The following ZNF469 variants were observed in gnomAD, a reference collection of about 807,000 sequenced individuals.
ZNF469 encodes the protein zinc finger protein 469.
ZNF469 carries 1 observed loss-of-function variant against 1.0 expected under a neutral mutation model. The observed-to-expected ratio is 1.00, with a 90% CI of 0.35 to 4.73. ZNF469 has a LOEUF of 4.73. ZNF469 is among the 30% of genes most tolerant of loss of function. The pLI is 0.16. For synonymous variants in ZNF469, 2,703 were observed against 2,363.4 expected, an observed-to-expected ratio of 1.14 and a Z score of -4.17; for missense variants, 6,100 against 5,356.3, an observed-to-expected ratio of 1.14 and a Z score of -4.33.
the ZNF469 span, among the ~76,000 whole-genome samples, chr16:88,174,960 G>A: frequency 7.1e-6 from 1 of 140,590 alleles, no homozygotes; most frequent in Non-Finnish European, 1.6e-5. Context: ...GTGTGTGTGT[G>A]TAAATGAAAT....
chr16:88,215,603 T>C, the ZNF469 span, among the ~76,000 whole-genome samples: 1 of 151,990 alleles, frequency 6.6e-6, no homozygotes, highest in South Asian at 2.1e-4. Context: ...CTGGCCAGTC[T>C]GGTCTCGAAC....
upstream of ZNF469, among the ~76,000 whole-genome samples, chr16:88,380,130 CACAG>C (rs554533632): frequency 8.8e-3 from 975 of 110,754 alleles, 11 homozygotes; most frequent in Non-Finnish European, 0.012. Flanking sequence ...CAAACACACA[CACAG>C]ACACACACTC....
the ZNF469 span, among the ~76,000 whole-genome samples, chr16:88,115,263 A>T: frequency 2.6e-5 from 4 of 152,174 alleles, no homozygotes; most frequent in Non-Finnish European, 5.9e-5. Flanking sequence ...GGATTATTTT[A>T]TGCATTGCTG....
chr16:88,185,350 G>A, the ZNF469 span, among the ~76,000 whole-genome samples: 4 of 151,402 alleles, frequency 2.6e-5, no homozygotes, highest in Non-Finnish European at 4.4e-5. Context: ...TACAATGCAT[G>A]CACACACAAA....
At chr16:88,275,202 C>T in the ZNF469 span, among the ~76,000 whole-genome samples, 1 of 152,188 alleles carries the variant, frequency 6.6e-6, no homozygotes, top group African/African-American at 2.4e-5. Flanking sequence ...TTTTATGTCT[C>T]GCTGACAGTC....
At chr16:88,363,428 C>G in the ZNF469 span, among the ~76,000 whole-genome samples, 84 of 152,346 alleles carry the variant, frequency 5.5e-4, no homozygotes, top group South Asian at 2.1e-3. Context: ...ACTCTGTCTC[C>G]TCTGTTGTGG....
rs1355882994 is a variant in ZNF469 at position 88,435,199 on chromosome 16, A to G, written c.7729A>G (p.Ser2577Gly). Residue 2577 changes from serine to glycine, a missense_variant, in exon 3 of 3, where the codon AGC becomes GGC. By Grantham distance (56) the Ser-to-Gly change is moderately conservative. Coordinates refer to ENST00000565624, the MANE Select transcript of ZNF469 (RefSeq NM_001367624.2). The part of the protein sequence containing the change: ...SPHSQQLHPP[S>G]PTEHEVDVKT... The stretch of plus-strand genomic sequence containing the variant: ...ACACAGCCAGCAGCTGCACCCTCCA[A>G]GCCCTACTGAGCATGAGGTAGATGT... 3.9e-6 allele frequency: 6 copies of G among 1,550,336 alleles called. No homozygotes were observed. The African/African-American group carries it at 6.8e-5, about 18-fold the overall frequency.
In ZNF469 at chr16:88,430,844, A is replaced by G; in HGVS notation, c.3374A>G (p.Glu1125Gly). Residue 1125 changes from glutamate (E) to glycine (G), a missense_variant, in exon 3 of 3, where the codon GAG becomes GGG. Physicochemically the swap from Glu to Gly is moderately conservative, Grantham distance 98. Coordinates refer to ENST00000565624, the MANE Select transcript of ZNF469 (RefSeq NM_001367624.2). ...RGRGEKRKEV[E>G]LTQGPREDEP... Reference sequence around the variant, plus strand: ...CGAGGCGAGAAGAGGAAGGAAGTGGAGCTGACCCAGGGTCCCAGAGAGGAT... The same window carrying G: ...CGAGGCGAGAAGAGGAAGGAAGTGGGGCTGACCCAGGGTCCCAGAGAGGAT... 6.5e-7 allele frequency: 1 copy of G among 1,535,878 alleles called. No homozygotes were observed. Among genetic ancestry groups the G allele is most frequent in the Non-Finnish European group, 8.7e-7 (1 of 1,146,074 alleles).
the ZNF469 span, among the ~76,000 whole-genome samples, chr16:88,262,504 G>A: frequency 6.6e-6 from 1 of 152,202 alleles, no homozygotes; most frequent in Non-Finnish European, 1.5e-5. The surrounding 1 kb of genome is among the most constrained non-coding windows in gnomAD (Gnocchi z 4.3). Context: ...CACGGCTGGA[G>A]GAAGATGGGC....
chr16:88,386,703 C>G (rs1325674077), intron 1 of ZNF469, among the ~76,000 whole-genome samples: 1 of 152,234 alleles, frequency 6.6e-6, no homozygotes, highest in Non-Finnish European at 1.5e-5. Flanking sequence ...AAGCCTGTCT[C>G]CAAGTGGCTT....
intron 1 of ZNF469, among the ~76,000 whole-genome samples, chr16:88,412,455 C>T (rs1001885754): frequency 6.6e-6 from 1 of 152,244 alleles, no homozygotes; most frequent in African/African-American, 2.4e-5. Flanking sequence ...CCTGCTGCAT[C>T]GGAGTTCATG....
chr16:88,109,969 G>A, the ZNF469 span, among the ~76,000 whole-genome samples: 1 of 152,356 alleles, frequency 6.6e-6, no homozygotes, highest in Middle Eastern at 3.4e-3. Flanking sequence ...AGTCAGGCTA[G>A]GTGGCCATCT....
the ZNF469 span, among the ~76,000 whole-genome samples, chr16:88,172,070 G>T: frequency 2.0e-5 from 3 of 152,198 alleles, no homozygotes; most frequent in Non-Finnish European, 4.4e-5. Context: ...TGAGGGGAGA[G>T]GAGATCAAGG....
chr16:88,408,718 G>A (rs1398834479), intron 1 of ZNF469, among the ~76,000 whole-genome samples: 1 of 151,886 alleles, frequency 6.6e-6, no homozygotes, highest in Admixed American at 6.6e-5. Context: ...GGCTTCCCAG[G>A]CCAGCCCTGA....
the ZNF469 span, among the ~76,000 whole-genome samples, chr16:88,303,857 T>A: frequency 2.0e-5 from 3 of 152,322 alleles, no homozygotes; most frequent in African/African-American, 7.2e-5. Flanking sequence ...GGAGATATGA[T>A]GCAAAGCACC....
In ZNF469 at chr16:88,438,626, T is replaced by A; in HGVS notation, c.11156T>A (p.Met3719Lys). 1 of 1,549,890 alleles carries A rather than the reference T, an allele frequency of 6.5e-7. No homozygotes were observed. Among genetic ancestry groups the A allele is most frequent in the South Asian group, 1.2e-5 (1 of 84,040 alleles). ...CTGGCCCGTGGCACAGAGAATGGGA[T>A]GAAGCCCGCCACCCCCAAAGCCAAA... is the stretch of plus-strand genomic sequence containing the variant. ...GELARGTENG[M>K]KPATPKAKPG... The change falls in exon 3 of 3, where the codon ATG (methionine) becomes AAG (lysine). Residue 3719 changes from methionine (M) to lysine (K), a missense_variant. Met to Lys is a moderately conservative substitution (Grantham distance 95). Transcript: ENST00000565624.
chr16:88,347,638 T>C, the ZNF469 span, among the ~76,000 whole-genome samples: 1 of 152,144 alleles, frequency 6.6e-6, no homozygotes, highest in African/African-American at 2.4e-5. Flanking sequence ...CTGCCCCACA[T>C]CCACCCCGAT....
chr16:88,193,048 ATGATGG>A, the ZNF469 span, among the ~76,000 whole-genome samples: 2 of 38,520 alleles, frequency 5.2e-5, no homozygotes, highest in Non-Finnish European at 1.2e-4. Flanking sequence ...GGTGGTGGTG[ATGATGG>A]TGATGGTGGT....
chr16:88,104,055 G>C, the ZNF469 span, among the ~76,000 whole-genome samples: 1 of 151,838 alleles, frequency 6.6e-6, no homozygotes, highest in Non-Finnish European at 1.5e-5. Flanking sequence ...TGGTTCGTAG[G>C]GTGCTTTTTA....
Sources: allele counts gnomAD v4.1 joint callset (sites outside exome capture counted in the v4.1 genomes callset), GRCh38; gene constraint gnomAD v4.1.1; non-coding constraint Gnocchi (gnomAD v3.1); transcripts MANE v1.5; gene names NCBI Gene and HGNC (gene_info 2026-07-23, HGNC 2026-07-21).